ADAMTS3: variants seen among roughly 807,000 people sequenced by gnomAD.
The protein encoded by ADAMTS3 is A disintegrin and metalloproteinase with thrombospondin motifs 3.
In ADAMTS3, 73 loss-of-function variants were observed where a neutral mutation model predicts 129.0. The ratio of observed to expected loss-of-function variants is 0.57; its 90% CI spans 0.47 to 0.69. The LOEUF (loss-of-function observed/expected upper bound fraction) is 0.69. ADAMTS3 is among the 30% of genes least tolerant of loss of function. ADAMTS3 has a pLI of 0.00. For synonymous variants in ADAMTS3, 477 were observed against 510.8 expected (o/e 0.93, Z 0.89); for missense variants, 1,457 against 1,514.5 (o/e 0.96, Z 0.63).
At chr4:72,530,461 A>AATTT (rs1680357670) in intron 3 of ADAMTS3, among the ~76,000 whole-genome samples, 1 of 31,746 alleles carries the variant, frequency 3.1e-5, no homozygotes, top group Non-Finnish European at 5.1e-5. Flanking sequence ...ATTATATATT[A>AATTT]AATATATTAA....
In ADAMTS3 at chr4:72,338,655, A is replaced by AG. The variant is rs918488813; in HGVS notation, c.861+838dup. Among the ~76,000 whole-genome samples the AG allele has an allele frequency of 5.6e-4, 84 of 148,776 alleles. 1 individual carries two copies. Among genetic ancestry groups the AG allele is most frequent in the African/African-American group, 2.0e-3 (81 of 40,742 alleles). On this transcript the variant is annotated intron_variant, in intron 5 of 21. Coordinates refer to ENST00000286657, the MANE Select transcript of ADAMTS3 (RefSeq NM_014243.3). ...TAAATATCAAAAGTTGTGAGGGGGGAGGGTGGGTTGAGAGATAGGGAAATA... is the reference window on the plus strand; with the variant it reads ...TAAATATCAAAAGTTGTGAGGGGGGAGGGGTGGGTTGAGAGATAGGGAAATA...
At chr4:72,372,370 C>A (rs890893720) in intron 4 of ADAMTS3, among the ~76,000 whole-genome samples, 6 of 151,762 alleles carry the variant, frequency 4.0e-5, no homozygotes, top group Non-Finnish European at 7.4e-5. Flanking sequence ...GTACAAATTG[C>A]CAATATAAGG....
chr4:72,380,900 G>A lies in ADAMTS3; in HGVS notation c.661+33915C>T, dbSNP rs192179432. Among the ~76,000 whole-genome samples, 201 of 152,138 alleles carry A rather than the reference G, an allele frequency of 1.3e-3. 1 individual carries two copies. The Middle Eastern group carries it at 0.014, about 10-fold the overall frequency. Reference sequence around the variant, plus strand: ...GCATATCAAGATTTTTTTCCATACCGAAAAATAAGTTGCTATATATTGTAT... The same window carrying A: ...GCATATCAAGATTTTTTTCCATACCAAAAAATAAGTTGCTATATATTGTAT... On this transcript the variant is annotated intron_variant, in intron 4 of 21. Coordinates refer to ENST00000286657, the MANE Select transcript of ADAMTS3 (RefSeq NM_014243.3).
intron 3 of ADAMTS3, among the ~76,000 whole-genome samples, chr4:72,529,978 A>T (rs1473056718): frequency 7.4e-4 from 5 of 6,726 alleles, no homozygotes; most frequent in Admixed American, 3.4e-3. Context: ...TTTATATATA[A>T]ATATAATATA....
chr4:72,542,059 C>T (rs529871182), intron 3 of ADAMTS3, among the ~76,000 whole-genome samples: 20 of 152,096 alleles, frequency 1.3e-4, no homozygotes, highest in South Asian at 6.2e-4. Flanking sequence ...AATTATTGCA[C>T]CTAATTTACT....
rs76538635 is a variant in ADAMTS3, at chr4:72,396,771, A to T, written c.661+18044T>A. Among the ~76,000 whole-genome samples, 1,435 of 152,284 alleles carry T rather than the reference A, an allele frequency of 9.4e-3. 29 individuals carry two copies. The highest frequency in any genetic ancestry group is 0.033 in the African/African-American group (1,369 of 41,552). Reference sequence around the variant, plus strand: ...TCTGGATTTACAAAAGTACTAAGTAATATATATAAAACAAAGAACCCTTAT... The same window carrying T: ...TCTGGATTTACAAAAGTACTAAGTATTATATATAAAACAAAGAACCCTTAT... On this transcript the variant is annotated intron_variant, in intron 4 of 21. Coordinates refer to ENST00000286657, the MANE Select transcript of ADAMTS3 (RefSeq NM_014243.3).
At chr4:72,398,839 A>T (rs1220277114) in intron 4 of ADAMTS3, among the ~76,000 whole-genome samples, 1 of 152,144 alleles carries the variant, frequency 6.6e-6, no homozygotes, top group Admixed American at 6.6e-5. Flanking sequence ...CCTGAGTCCC[A>T]TTCAACCCCT....
At chr4:72,406,607 T>C (rs908300630) in intron 4 of ADAMTS3, among the ~76,000 whole-genome samples, 23 of 152,124 alleles carry the variant, frequency 1.5e-4, no homozygotes, top group Non-Finnish European at 2.2e-4. Context: ...TAGTTGTCAT[T>C]AGGTAGTGAA....
chr4:72,523,916 T>C (rs937927028), intron 3 of ADAMTS3, among the ~76,000 whole-genome samples: 4 of 152,156 alleles, frequency 2.6e-5, no homozygotes, highest in Non-Finnish European at 4.4e-5. Flanking sequence ...TTTGACCCTA[T>C]TGGGGAAAAA....
chr4:72,445,609 C>T (rs1311428652), intron 3 of ADAMTS3, among the ~76,000 whole-genome samples: 2 of 151,660 alleles, frequency 1.3e-5, no homozygotes, highest in African/African-American at 4.8e-5. Flanking sequence ...TTATTAGCAA[C>T]ATGAAGCTGT....
At chr4:72,524,464 TC>T (rs1387701973) in intron 3 of ADAMTS3, among the ~76,000 whole-genome samples, 1 of 152,138 alleles carries the variant, frequency 6.6e-6, no homozygotes, top group African/African-American at 2.4e-5. Flanking sequence ...TATCATTGAA[TC>T]TTTTTAATGT....
At chr4:72,441,717 A>G (rs192950125) in intron 3 of ADAMTS3, 7 of 151,904 alleles carry the variant, frequency 4.6e-5, no homozygotes, top group East Asian at 3.9e-4. Flanking sequence ...AAAAGGCTAA[A>G]CAGAGCTGGT....
chr4:72,291,172 G>T, intron 19 of ADAMTS3, 110 bp from the exon 20 acceptor site: 1 of 1,098,118 alleles, frequency 9.1e-7, no homozygotes, highest in Non-Finnish European at 1.3e-6. Context: ...GCAACCTAGT[G>T]GGCACACTGC....
intron 4 of ADAMTS3, among the ~76,000 whole-genome samples, chr4:72,396,710 T>C (rs1226431574): frequency 6.6e-6 from 1 of 152,180 alleles, no homozygotes; most frequent in African/African-American, 2.4e-5. Flanking sequence ...TATTTATAAC[T>C]ATGATGTAAT....
rs1364974150 is a variant in ADAMTS3 at position 72,290,942 on chromosome 4, T to A, written c.2844A>T (p.Lys948Asn). The A allele has an allele frequency of 5.0e-6, 8 of 1,613,964 alleles. No individual in the cohort carries two copies. Among genetic ancestry groups the A allele is most frequent in the Non-Finnish European group, 6.8e-6 (8 of 1,179,984 alleles). The change falls in exon 20 of 22, where the codon AAA becomes AAT. Residue 948 changes from lysine (K) to asparagine (N), a missense_variant. Lys to Asn is a moderately conservative substitution (Grantham distance 94, BLOSUM62 0). Transcript: ENST00000286657. ...LDGTNRSVHS[K>N]YCMGDRPESR... ...TCTCGGGACGGTCACCCATGCAGTA[T>A]TTGCTGTGCACAGAGCGGTTGGTGC...
chr4:72,489,908 T>C (rs1560535997), intron 3 of ADAMTS3, among the ~76,000 whole-genome samples: 2 of 151,850 alleles, frequency 1.3e-5, no homozygotes, highest in Non-Finnish European at 1.5e-5. Context: ...GGAATATATG[T>C]AGTTTTATTT....
At chr4:72,343,733 G>A (rs140690269) in intron 4 of ADAMTS3, among the ~76,000 whole-genome samples, 48 of 152,176 alleles carry the variant, frequency 3.2e-4, no homozygotes, top group Non-Finnish European at 5.1e-4. Flanking sequence ...TTTCTAACAG[G>A]TGTGTTCTCA....
intron 15 of ADAMTS3, among the ~76,000 whole-genome samples, chr4:72,307,148 A>T (rs1719109193): frequency 6.6e-6 from 1 of 152,018 alleles, no homozygotes; most frequent in African/African-American, 2.4e-5. Flanking sequence ...TGTTTTTGTC[A>T]TTTGTATATG....
At chr4:72,364,189 T>A (rs1401816930) in intron 4 of ADAMTS3, among the ~76,000 whole-genome samples, 1 of 151,954 alleles carries the variant, frequency 6.6e-6, no homozygotes, top group Non-Finnish European at 1.5e-5. Context: ...CACAGAACCA[T>A]GCATGCATGT....
Sources: allele counts gnomAD v4.1 joint callset (sites outside exome capture counted in the v4.1 genomes callset), GRCh38; gene constraint gnomAD v4.1.1; transcripts MANE v1.5; gene names NCBI Gene and HGNC (gene_info 2026-07-23, HGNC 2026-07-21).